RBFOX1: variants seen among roughly 807,000 people sequenced by gnomAD.
RBFOX1 encodes RNA binding fox-1 homolog 1, also known as RNA binding protein fox-1 homolog 1.
A neutral mutation model predicts 57.7 loss-of-function variants in RBFOX1; 8 were observed. The observed-to-expected ratio is 0.14, with a 90% CI of 0.08 to 0.25. The LOEUF is 0.25. RBFOX1 is among the 10% of genes least tolerant of loss of function. The pLI is 1.00. For missense variants in RBFOX1, 611 were observed against 548.5 expected (o/e 1.11, Z -1.14); for synonymous variants, 326 against 222.4 (o/e 1.47, Z -4.15).
chr16:7,020,982 G>A (rs1379889075), intron 3 of RBFOX1, among the ~76,000 whole-genome samples: 2 of 152,154 alleles, frequency 1.3e-5, no homozygotes, highest in African/African-American at 4.8e-5. Flanking sequence ...ACAAAAATTA[G>A]TTGGGCATAG....
At chr16:7,469,578 A>T (rs917017230) in intron 4 of RBFOX1, among the ~76,000 whole-genome samples, 1 of 152,120 alleles carries the variant, frequency 6.6e-6, no homozygotes, top group African/African-American at 2.4e-5. Context: ...TTTTAGATTT[A>T]TTGAAAAGTT....
At chr16:6,679,233 T>C (rs1568180177) in intron 3 of RBFOX1, among the ~76,000 whole-genome samples, 1 of 152,002 alleles carries the variant, frequency 6.6e-6, no homozygotes. Flanking sequence ...TGACATGAAA[T>C]CGCGTTTTAA....
At position 6,837,201 on chromosome 16, in the gene RBFOX1, A is replaced by G. The variant is rs183602673; in HGVS notation, c.-16+182551A>G. 4.6e-5 allele frequency among the ~76,000 whole-genome samples: 7 copies of G among 152,346 alleles called. No individual in the cohort carries two copies. In the East Asian group the frequency reaches 7.7e-4, roughly 17 times the overall value. Reference sequence around the variant, plus strand: ...AACTAAAATCAGGTTAGGTTGTACTAGGTAACATACAAACTGTGGATCTCC... The same window carrying G: ...AACTAAAATCAGGTTAGGTTGTACTGGGTAACATACAAACTGTGGATCTCC... On this transcript the variant is annotated intron_variant, in intron 3 of 15. Coordinates refer to ENST00000550418, the MANE Select transcript of RBFOX1 (RefSeq NM_018723.4).
In RBFOX1 at chr16:5,790,191, G is replaced by C. The variant is rs547537119; in HGVS notation, c.319-77112G>C. Among the ~76,000 whole-genome samples the C allele has an allele frequency of 2.0e-5, 3 of 152,346 alleles. No homozygotes were observed. In the South Asian group the frequency reaches 6.2e-4, roughly 32 times the overall value. On this transcript the variant is annotated intron_variant, in intron 3 of 19. Transcript: ENST00000641259. Reference sequence around the variant, plus strand: ...AGGCTGGACCTGAAAGTGACAAATAGCCCTTCTTCCACGCCCACATCATCC... The same window carrying C: ...AGGCTGGACCTGAAAGTGACAAATACCCCTTCTTCCACGCCCACATCATCC...
At position 6,762,992 on chromosome 16, in the gene RBFOX1, C is replaced by G. The variant is rs565731910; in HGVS notation, c.-16+108342C>G. ...GAGGAATACAGCAAAGAAATTTGCCCAGTGCAAATAGGAACATGCAAGATA... is the reference window on the plus strand; with the variant it reads ...GAGGAATACAGCAAAGAAATTTGCCGAGTGCAAATAGGAACATGCAAGATA... On this transcript the variant is annotated intron_variant, in intron 3 of 15. Coordinates refer to ENST00000550418, the MANE Select transcript of RBFOX1 (RefSeq NM_018723.4). Among the ~76,000 whole-genome samples the G allele has an allele frequency of 2.0e-5, 3 of 151,806 alleles. No homozygotes were observed. In the South Asian group the frequency reaches 6.3e-4, roughly 32 times the overall value.
chr16:6,845,490 G>A (rs554113649), intron 3 of RBFOX1, among the ~76,000 whole-genome samples: 2 of 152,086 alleles, frequency 1.3e-5, no homozygotes, highest in African/African-American at 4.8e-5. Flanking sequence ...AGATGGATGG[G>A]GGTGTGCAGT....
chr16:7,048,405 G>C (rs551117402), intron 3 of RBFOX1, among the ~76,000 whole-genome samples: 4 of 151,954 alleles, frequency 2.6e-5, no homozygotes, highest in African/African-American at 9.7e-5. Context: ...GACTACAGTC[G>C]CGTGTCGCCA....
At chr16:6,701,721 A>C (rs9806810) in intron 3 of RBFOX1, among the ~76,000 whole-genome samples, 115,146 of 152,052 alleles carry the variant, frequency 0.76, 44,187 homozygotes, top group Non-Finnish European at 0.81. Context: ...TCAGCAGTAG[A>C]CTGGATTTTA....
intron 2 of RBFOX1, among the ~76,000 whole-genome samples, chr16:6,604,300 T>C (rs180721935): frequency 3.5e-4 from 54 of 152,332 alleles, no homozygotes; most frequent in East Asian, 2.3e-3. Context: ...ATAAATATTA[T>C]TGTTGATCTT....
At chr16:6,581,613 C>G (rs1002578647) in intron 2 of RBFOX1, among the ~76,000 whole-genome samples, 2 of 152,186 alleles carry the variant, frequency 1.3e-5, no homozygotes, top group Admixed American at 1.3e-4. Context: ...TGTTGCCTGT[C>G]TATGAAAATA....
rs2064622487 is a variant in RBFOX1, at chr16:7,649,972, G to GAA, written c.758-3842_758-3841insAA. On this transcript the variant is annotated intron_variant, in intron 11 of 15. Transcript: ENST00000550418. ...AGGGAGAGGAGAGGAAGAAGAGGGA[G>GAA]AGGAAGAAGAGCGAGGGGAGAAAGG... 7.2e-5 allele frequency among the ~76,000 whole-genome samples: 11 copies of GAA among 151,894 alleles called. 1 individual carries two copies. The highest frequency in any genetic ancestry group is 1.2e-4 in the African/African-American group (5 of 41,410).
intron 4 of RBFOX1, among the ~76,000 whole-genome samples, chr16:7,458,215 C>G (rs904850418): frequency 6.6e-6 from 1 of 152,184 alleles, no homozygotes; most frequent in African/African-American, 2.4e-5. Context: ...CCTTGTCTCT[C>G]TGGAGCCCTA....
At chr16:7,091,321 T>C (rs936533949) in intron 4 of RBFOX1, among the ~76,000 whole-genome samples, 4 of 152,146 alleles carry the variant, frequency 2.6e-5, no homozygotes, top group African/African-American at 4.8e-5. Flanking sequence ...AAAATAACTT[T>C]TCTTCACTTT....
At chr16:5,573,001 G>C (rs2046334957) in intron 2 of RBFOX1, among the ~76,000 whole-genome samples, 1 of 152,144 alleles carries the variant, frequency 6.6e-6, no homozygotes, top group Non-Finnish European at 1.5e-5. Flanking sequence ...TTTGATGAAG[G>C]CTGCCCCAGC....
chr16:6,887,268 T>C (rs866215190), intron 3 of RBFOX1, among the ~76,000 whole-genome samples: 11 of 152,230 alleles, frequency 7.2e-5, no homozygotes, highest in Non-Finnish European at 1.2e-4. Context: ...AACTGTGTTA[T>C]CTGCGAAGAT....
chr16:5,612,626 G>T (rs776571789), intron 3 of RBFOX1, among the ~76,000 whole-genome samples: 9 of 152,228 alleles, frequency 5.9e-5, no homozygotes, highest in Non-Finnish European at 1.2e-4. Context: ...GAGCTCTCAA[G>T]GCCACAGGGC....
chr16:6,766,692 G>A (rs140817972), intron 3 of RBFOX1, among the ~76,000 whole-genome samples: 80 of 151,954 alleles, frequency 5.3e-4, no homozygotes, highest in African/African-American at 1.9e-3. Flanking sequence ...CTGTCATCTT[G>A]GACAACACAA....
chr16:5,904,263 A>G (rs1311624478), intron 4 of RBFOX1, among the ~76,000 whole-genome samples: 1 of 152,070 alleles, frequency 6.6e-6, no homozygotes, highest in African/African-American at 2.4e-5. Flanking sequence ...GTGGGAATTT[A>G]TTAAATAAGA....
chr16:6,675,743 C>A (rs775335145), intron 3 of RBFOX1, among the ~76,000 whole-genome samples: 2 of 152,134 alleles, frequency 1.3e-5, no homozygotes, highest in African/African-American at 4.8e-5. Flanking sequence ...CTTTATGAAA[C>A]CATCAGATCT....
Sources: allele counts gnomAD v4.1 joint callset (sites outside exome capture counted in the v4.1 genomes callset), GRCh38; gene constraint gnomAD v4.1.1; transcripts MANE v1.5; gene names NCBI Gene and HGNC (gene_info 2026-07-23, HGNC 2026-07-21).